The following GABRB2 variants were observed in gnomAD, a reference collection of about 807,000 sequenced individuals.
The protein encoded by GABRB2 is gamma-aminobutyric acid receptor subunit beta-2.
A neutral mutation model predicts 54.7 loss-of-function variants in GABRB2; 16 were observed. That is an observed-to-expected ratio of 0.29 (90% CI 0.20 to 0.44). The LOEUF is 0.44. GABRB2 is among the 20% of genes least tolerant of loss of function. The pLI is 1.00. For missense variants in GABRB2, 355 were observed against 644.0 expected (o/e 0.55, Z 4.86); for synonymous variants, 244 against 233.8 (o/e 1.04, Z -0.40).
intron 3 of GABRB2, among the ~76,000 whole-genome samples, chr5:161,514,389 T>C (rs1759869655): frequency 6.6e-6 from 1 of 152,198 alleles, no homozygotes; most frequent in African/African-American, 2.4e-5. Context: ...AATTGCATGT[T>C]GACTTGATTA....
At chr5:161,483,060 C>G (rs1181523435) in intron 3 of GABRB2, among the ~76,000 whole-genome samples, 1 of 151,972 alleles carries the variant, frequency 6.6e-6, no homozygotes. Context: ...AATTTAATGG[C>G]TACCAATAAG....
chr5:161,301,296 T>A (rs966406892), intron 9 of GABRB2, among the ~76,000 whole-genome samples: 1 of 152,200 alleles, frequency 6.6e-6, no homozygotes, highest in Non-Finnish European at 1.5e-5. Flanking sequence ...CACATGAATT[T>A]AGCTAATCCT....
At chr5:161,392,173 C>T (rs1561634092) in intron 5 of GABRB2, among the ~76,000 whole-genome samples, 1 of 152,124 alleles carries the variant, frequency 6.6e-6, no homozygotes, top group Non-Finnish European at 1.5e-5. Flanking sequence ...AGGCCTCATG[C>T]CCATGGAGCC....
At chr5:161,455,895 G>A (rs190368567) in intron 4 of GABRB2, among the ~76,000 whole-genome samples, 8 of 152,092 alleles carry the variant, frequency 5.3e-5, no homozygotes, top group Middle Eastern at 3.4e-3. Flanking sequence ...CATACCTACC[G>A]TTAAATTCAA....
At chr5:161,380,709 C>T (rs1462528793) in intron 5 of GABRB2, among the ~76,000 whole-genome samples, 2 of 151,976 alleles carry the variant, frequency 1.3e-5, no homozygotes, top group Non-Finnish European at 2.9e-5. Flanking sequence ...TTAAGTAATG[C>T]AGAAAATTTG....
In GABRB2 at chr5:161,334,914, C is replaced by A; in HGVS notation, c.680-10G>T. Reference sequence around the variant, plus strand: ...AACCTGGGATAGGAACCTAGAAAGGCAATTTTAGAACATCATCATTATCAA... The same window carrying A: ...AACCTGGGATAGGAACCTAGAAAGGAAATTTTAGAACATCATCATTATCAA... On this transcript the variant is annotated splice_polypyrimidine_tract_variant and intron_variant, in intron 6 of 9. Transcript: ENST00000393959. 6.2e-7 allele frequency: 1 copy of A among 1,612,828 alleles called. No homozygotes were observed. Among genetic ancestry groups the A allele is most frequent in the Non-Finnish European group, 8.5e-7 (1 of 1,179,154 alleles).
intron 3 of GABRB2, among the ~76,000 whole-genome samples, chr5:161,473,762 C>T (rs374362814): frequency 6.6e-6 from 1 of 151,910 alleles, no homozygotes; most frequent in Non-Finnish European, 1.5e-5. Flanking sequence ...AGCTCTCCAG[C>T]CATGTTAAAG....
chr5:161,380,029 T>C (rs548039628), intron 5 of GABRB2, among the ~76,000 whole-genome samples: 7 of 152,144 alleles, frequency 4.6e-5, no homozygotes, highest in Non-Finnish European at 1.0e-4. Context: ...AATTCCCTTA[T>C]AAAAAACTTA....
At chr5:161,503,537 C>T (rs1217289037) in intron 3 of GABRB2, among the ~76,000 whole-genome samples, 2 of 151,758 alleles carry the variant, frequency 1.3e-5, no homozygotes, top group East Asian at 1.9e-4. Flanking sequence ...GGAGAAACCT[C>T]GTCTCTACTA....
At chr5:161,385,192 T>C (rs1755586698) in intron 5 of GABRB2, among the ~76,000 whole-genome samples, 1 of 152,214 alleles carries the variant, frequency 6.6e-6, no homozygotes, top group African/African-American at 2.4e-5. Flanking sequence ...GAATATTCCT[T>C]CCACTCCAGA....
chr5:161,545,734 T>G (rs974913131), intron 2 of GABRB2, among the ~76,000 whole-genome samples: 8 of 152,008 alleles, frequency 5.3e-5, no homozygotes, highest in Non-Finnish European at 8.8e-5. Context: ...TATCAGCATA[T>G]CTAGGGCTGC....
At chr5:161,406,188 C>G (rs1223848209) in intron 5 of GABRB2, among the ~76,000 whole-genome samples, 1 of 152,072 alleles carries the variant, frequency 6.6e-6, no homozygotes, top group East Asian at 1.9e-4. Flanking sequence ...TTCACTTAAT[C>G]CAAATCCAGA....
At chr5:161,461,871 C>T (rs750764167) in intron 3 of GABRB2, among the ~76,000 whole-genome samples, 26 of 152,084 alleles carry the variant, frequency 1.7e-4, no homozygotes, top group Non-Finnish European at 2.6e-4. Context: ...CACAAATCTG[C>T]ATAATTTTGT....
chr5:161,427,179 GA>G (rs751674791), intron 4 of GABRB2, among the ~76,000 whole-genome samples: 6 of 152,182 alleles, frequency 3.9e-5, no homozygotes, highest in Non-Finnish European at 8.8e-5. Flanking sequence ...ATAGCTGAAT[GA>G]ACTCTGTCTA....
intron 4 of GABRB2, among the ~76,000 whole-genome samples, chr5:161,438,246 A>G (rs991188886): frequency 6.6e-6 from 1 of 152,082 alleles, no homozygotes; most frequent in East Asian, 1.9e-4. Context: ...AGAGAACAAG[A>G]CTCTGCCTGG....
intron 3 of GABRB2, among the ~76,000 whole-genome samples, chr5:161,499,054 A>G (rs933079834): frequency 1.3e-5 from 2 of 152,032 alleles, no homozygotes; most frequent in Non-Finnish European, 2.9e-5. Context: ...TTTGATCACC[A>G]ATAAATAGTG....
At chr5:161,435,945 T>C (rs1279275709) in intron 4 of GABRB2, among the ~76,000 whole-genome samples, 2 of 152,212 alleles carry the variant, frequency 1.3e-5, no homozygotes, top group South Asian at 2.1e-4. Flanking sequence ...ACACATTATG[T>C]ATCTTCCAAT....
chr5:161,390,905 C>T (rs1016247901), intron 5 of GABRB2, among the ~76,000 whole-genome samples: 3 of 152,108 alleles, frequency 2.0e-5, no homozygotes, highest in African/African-American at 4.8e-5. Context: ...TATATCTACA[C>T]TTAACCATGT....
At chr5:161,462,238 C>T (rs939763118) in intron 3 of GABRB2, among the ~76,000 whole-genome samples, 45 of 152,122 alleles carry the variant, frequency 3.0e-4, no homozygotes, top group African/African-American at 1.1e-3. Context: ...GACTGTTCTG[C>T]AGCACTCTGC....
Sources: allele counts gnomAD v4.1 joint callset (sites outside exome capture counted in the v4.1 genomes callset), GRCh38; gene constraint gnomAD v4.1.1; transcripts MANE v1.5; gene names NCBI Gene and HGNC (gene_info 2026-07-23, HGNC 2026-07-21).